The following TMEM245 variants were observed in gnomAD, a reference collection of about 807,000 sequenced individuals.
TMEM245 encodes the protein transmembrane protein 245, also known as protein CG-2.
A neutral mutation model predicts 101.2 loss-of-function variants in TMEM245; 69 were observed. That is an observed-to-expected ratio of 0.68 (90% confidence interval 0.56 to 0.83). The LOEUF (loss-of-function observed/expected upper bound fraction) is 0.83. TMEM245 is among the 40% of genes least tolerant of loss of function. The pLI, the probability that TMEM245 is intolerant of heterozygous loss-of-function variation, is 0.00. For synonymous variants in TMEM245, 537 were observed against 449.8 expected (o/e 1.19, Z -2.45); for missense variants, 1,075 against 1,092.8 (o/e 0.98, Z 0.23).
Position 109,108,450 on chromosome 9 carries a change from C to A in TMEM245, c.697+3G>T, listed in dbSNP as rs1306130351. ...AAAAAAAAAAAAAAAAGAAGGAACC[C>A]ACCTAAATGAAAAAGCAATATAATC... On this transcript the variant is annotated splice_donor_region_variant and intron_variant, in intron 2 of 17. Transcript: ENST00000374586. 4 of 1,479,410 alleles carry A rather than the reference C, an allele frequency of 2.7e-6. No individual in the cohort carries two copies. Among genetic ancestry groups the A allele is most frequent in the Non-Finnish European group, 3.6e-6 (4 of 1,097,066 alleles). 91.6% of individuals were successfully genotyped at this position (1,479,410 alleles called of 1,614,324 possible). A position where few individuals can be genotyped will look rare whatever the true frequency, so the allele number is the denominator to read the frequency against.
chr9:109,068,393 C>T (rs1829234906), intron 9 of TMEM245, among the ~76,000 whole-genome samples: 2 of 149,274 alleles, frequency 1.3e-5, no homozygotes, highest in African/African-American at 4.9e-5. Flanking sequence ...AAAAGGCCTT[C>T]CTTTTGGGAG....
chr9:109,025,745 T>C (rs1564166706), intron 17 of TMEM245, among the ~76,000 whole-genome samples: 1 of 152,228 alleles, frequency 6.6e-6, no homozygotes, highest in Non-Finnish European at 1.5e-5. Context: ...TGTTTTTGCC[T>C]TTCCCTACAC....
chr9:109,028,936 T>C (rs1463577949), intron 17 of TMEM245, among the ~76,000 whole-genome samples: 3 of 152,048 alleles, frequency 2.0e-5, no homozygotes, highest in African/African-American at 7.2e-5. Context: ...CCCAACCAAG[T>C]TTTGCCTGAA....
chr9:109,064,944 C>G (rs570206748), intron 9 of TMEM245, among the ~76,000 whole-genome samples: 6 of 152,228 alleles, frequency 3.9e-5, no homozygotes, highest in Admixed American at 3.3e-4. Flanking sequence ...CACGTCACCA[C>G]GCCTGGCTAA....
intron 7 of TMEM245, among the ~76,000 whole-genome samples, chr9:109,084,084 T>TA (rs34354000): frequency 0.45 from 62,724 of 140,770 alleles, 13,926 homozygotes; most frequent in South Asian, 0.59. Context: ...GTCTCAAATT[T>TA]AAAAAAAAAA....
intron 14 of TMEM245, among the ~76,000 whole-genome samples, chr9:109,049,047 A>C (rs113869415): frequency 2.8e-4 from 43 of 152,152 alleles, no homozygotes; most frequent in Non-Finnish European, 5.6e-4. Context: ...AGGGTTCTGA[A>C]AGAAGTTGGA....
chr9:109,056,497 T>C (rs1380578737), intron 12 of TMEM245, among the ~76,000 whole-genome samples: 1 of 138,080 alleles, frequency 7.2e-6, no homozygotes, highest in African/African-American at 2.7e-5. Context: ...ATGCCCGTAA[T>C]CCCAGCTACT....
intron 1 of TMEM245, among the ~76,000 whole-genome samples, chr9:109,118,136 T>C (rs1830779709): frequency 6.6e-6 from 1 of 152,232 alleles, no homozygotes; most frequent in Non-Finnish European, 1.5e-5. Flanking sequence ...ACGGGACCTG[T>C]ATCTTAGTCC....
rs988234665 is a variant in TMEM245, at chr9:109,017,117, G to C, written c.*3343C>G. ...CTACAGGTCCTAGGAAATCCAGATAGGTCACAATGGGTTCATGTGAAGATC... is the reference window on the plus strand; with the variant it reads ...CTACAGGTCCTAGGAAATCCAGATACGTCACAATGGGTTCATGTGAAGATC... On this transcript the variant is annotated 3_prime_UTR_variant, in exon 18 of 18. Coordinates refer to ENST00000374586, the MANE Select transcript of TMEM245 (RefSeq NM_032012.4). 1.3e-5 allele frequency: 2 copies of C among 152,174 alleles called. No homozygotes were observed. The highest frequency in any genetic ancestry group is 4.8e-5 in the African/African-American group (2 of 41,420). The allele number at this position is 152,174 out of a possible 1,614,324, so 9.4% of individuals were successfully genotyped here.
At position 109,060,348 on chromosome 9, in the gene TMEM245, A is replaced by G. The variant is rs1285120402; in HGVS notation, c.1722+6T>C. 1 of 1,602,698 alleles carries G rather than the reference A, an allele frequency of 6.2e-7. No homozygotes were observed. The highest frequency in any genetic ancestry group is 8.5e-7 in the Non-Finnish European group (1 of 1,174,254). On this transcript the variant is annotated splice_donor_region_variant and intron_variant, in intron 11 of 17. Coordinates refer to ENST00000374586, the MANE Select transcript of TMEM245 (RefSeq NM_032012.4). Reference sequence around the variant, plus strand: ...ACAACAGGAAACTTTAGCTAAAATAACTTACCTTTACAAACCAAGAGTGAT... The same window carrying G: ...ACAACAGGAAACTTTAGCTAAAATAGCTTACCTTTACAAACCAAGAGTGAT...
chr9:109,052,416 ATC>A (rs1256298673), intron 12 of TMEM245, among the ~76,000 whole-genome samples: 1 of 152,270 alleles, frequency 6.6e-6, no homozygotes, highest in African/African-American at 2.4e-5. Flanking sequence ...AACTCACAAC[ATC>A]TGATTTTTGT....
intron 14 of TMEM245, among the ~76,000 whole-genome samples, chr9:109,041,665 G>A (rs1011910895): frequency 1.8e-4 from 27 of 151,676 alleles, no homozygotes; most frequent in Admixed American, 1.2e-3. Flanking sequence ...GTACAGCATG[G>A]TGACTACAGT....
chr9:109,038,084 G>A lies in TMEM245; in HGVS notation c.2157C>T (p.Gly719=). The change falls in exon 15 of 18, where the codon GGC becomes GGT. Residue 719 remains glycine (G), a synonymous_variant. Transcript: ENST00000374586. Reference sequence around the variant, plus strand: ...TCAGCCAGGTATACAATCCATAGAAGCCAGCCATTTTGAGGGAAGCATCAA... The same window carrying A: ...TCAGCCAGGTATACAATCCATAGAAACCAGCCATTTTGAGGGAAGCATCAA... ...GVFDASLKMA[G]FYGLYTWLTH... is the part of the protein sequence containing the mutation. 6.2e-7 allele frequency: 1 copy of A among 1,613,208 alleles called. No individual in the cohort carries two copies. Among genetic ancestry groups the A allele is most frequent in the Non-Finnish European group, 8.5e-7 (1 of 1,179,592 alleles).
chr9:109,065,894 G>A (rs1178904726), intron 9 of TMEM245, among the ~76,000 whole-genome samples: 1 of 152,096 alleles, frequency 6.6e-6, no homozygotes, highest in Non-Finnish European at 1.5e-5. Context: ...AGTCAAATGT[G>A]CAACATCCTC....
Position 109,020,524 on chromosome 9 carries a change from G to A in TMEM245, c.2595-19C>T. Reference sequence around the variant, plus strand: ...GAAAGTCCTAAAAGAAAAAAAGACGGAATGATTAGTTGATTACCATAAAAC... The same window carrying A: ...GAAAGTCCTAAAAGAAAAAAAGACGAAATGATTAGTTGATTACCATAAAAC... On this transcript the variant is annotated intron_variant, in intron 17 of 17. Transcript: ENST00000374586. 1 of 1,610,076 alleles carries A rather than the reference G, an allele frequency of 6.2e-7. No individual in the cohort carries two copies. The highest frequency in any genetic ancestry group is 1.1e-5 in the South Asian group (1 of 90,980).
At chr9:109,045,792 G>T (rs1828472831) in intron 14 of TMEM245, among the ~76,000 whole-genome samples, 1 of 152,090 alleles carries the variant, frequency 6.6e-6, no homozygotes, top group South Asian at 2.1e-4. Context: ...TTACTGTCTT[G>T]ATTATTATTT....
chr9:109,071,835 C>T (rs1829344470), intron 9 of TMEM245, among the ~76,000 whole-genome samples: 1 of 152,056 alleles, frequency 6.6e-6, no homozygotes, highest in Non-Finnish European at 1.5e-5. Context: ...GCTGAACATC[C>T]CCCACAAAAA....
intron 14 of TMEM245, among the ~76,000 whole-genome samples, chr9:109,044,481 C>A (rs1431495343): frequency 1.3e-5 from 2 of 152,180 alleles, no homozygotes; most frequent in Non-Finnish European, 2.9e-5. Flanking sequence ...TTTCCTTACA[C>A]TGGTTCCACC....
At chr9:109,044,215 C>T (rs1828404047) in intron 14 of TMEM245, among the ~76,000 whole-genome samples, 1 of 152,144 alleles carries the variant, frequency 6.6e-6, no homozygotes, top group Admixed American at 6.5e-5. Flanking sequence ...ATTGTGCTTG[C>T]TACTTTTCTA....
Sources: allele counts gnomAD v4.1 joint callset (sites outside exome capture counted in the v4.1 genomes callset), GRCh38; gene constraint gnomAD v4.1.1; transcripts MANE v1.5; gene names NCBI Gene and HGNC (gene_info 2026-07-23, HGNC 2026-07-21).